The following RAD51B variants were observed in gnomAD, a reference collection of about 807,000 sequenced individuals.
RAD51B encodes DNA repair protein RAD51 homolog 2.
A neutral mutation model predicts 42.2 loss-of-function variants in RAD51B; 38 were observed. The observed-to-expected ratio is 0.90, with a 90% confidence interval of 0.70 to 1.18. The LOEUF (loss-of-function observed/expected upper bound fraction) is 1.18, where lower values mean the gene tolerates loss of function less well. Ranked by LOEUF, RAD51B falls within the 50% of genes most tolerant of loss-of-function variation. The probability of loss-of-function intolerance (pLI) is 0.00; values close to 1 mark genes in which losing one functional copy is unlikely to be tolerated. For missense variants in RAD51B, 373 were observed against 400.7 expected (o/e 0.93, Z 0.59); for synonymous variants, 154 against 145.2 (o/e 1.06, Z -0.43).
chr14:68,668,330 T>G (rs1893075701), intron 11 of RAD51B, among the ~76,000 whole-genome samples: 1 of 152,212 alleles, frequency 6.6e-6, no homozygotes, highest in Non-Finnish European at 1.5e-5. Context: ...TCTGAGGACC[T>G]TCATTAGGCT....
chr14:67,972,964 C>T (rs1403317993), intron 7 of RAD51B, among the ~76,000 whole-genome samples: 3 of 152,028 alleles, frequency 2.0e-5, no homozygotes, highest in African/African-American at 7.2e-5. Context: ...TAGATCCCAA[C>T]AAGGGTAGGG....
chr14:68,036,366 C>T (rs2076122730), intron 7 of RAD51B, among the ~76,000 whole-genome samples: 1 of 152,190 alleles, frequency 6.6e-6, no homozygotes, highest in Admixed American at 6.5e-5. Context: ...TGGCCTTTCT[C>T]TAAACAGGCC....
At chr14:68,597,356 G>T (rs1388351337), downstream of RAD51B, among the ~76,000 whole-genome samples, 1 of 152,178 alleles carries the variant, frequency 6.6e-6, no homozygotes, top group Non-Finnish European at 1.5e-5. Context: ...AGGATAGAGA[G>T]TAGGGAAGGA....
intron 11 of RAD51B, among the ~76,000 whole-genome samples, chr14:68,673,684 T>C (rs2140157076): frequency 6.7e-6 from 1 of 149,666 alleles, no homozygotes. Flanking sequence ...CACATATGTA[T>C]ATGTGCACAC....
intron 7 of RAD51B, among the ~76,000 whole-genome samples, chr14:67,968,095 C>G (rs1171709637): frequency 6.6e-6 from 1 of 152,232 alleles, no homozygotes; most frequent in African/African-American, 2.4e-5. Context: ...CTTGTACTCT[C>G]TGAAACTATG....
intron 10 of RAD51B, among the ~76,000 whole-genome samples, chr14:68,558,684 T>C (rs906679727): frequency 1.3e-5 from 2 of 152,104 alleles, no homozygotes; most frequent in African/African-American, 4.8e-5. Flanking sequence ...TCTGTTCCTC[T>C]CCCCTCTTCT....
chr14:68,363,918 G>A (rs967583481), intron 8 of RAD51B, among the ~76,000 whole-genome samples: 2 of 152,184 alleles, frequency 1.3e-5, no homozygotes, highest in Non-Finnish European at 2.9e-5. Flanking sequence ...CAGTGTTAGC[G>A]TCCACAGGAG....
chr14:68,414,174 T>A (rs1046076000), intron 9 of RAD51B, among the ~76,000 whole-genome samples: 4 of 152,182 alleles, frequency 2.6e-5, no homozygotes, highest in Non-Finnish European at 4.4e-5. Flanking sequence ...CCTGGCTGAT[T>A]ATTTTCTTTA....
chr14:68,503,583 A>T (rs1177421281), intron 10 of RAD51B, among the ~76,000 whole-genome samples: 3 of 152,200 alleles, frequency 2.0e-5, no homozygotes, highest in East Asian at 3.8e-4. Context: ...CAGAGAGGTG[A>T]CGAGAGGCTC....
chr14:68,597,023 T>C (rs977106697), downstream of RAD51B, among the ~76,000 whole-genome samples: 4 of 152,216 alleles, frequency 2.6e-5, no homozygotes, highest in African/African-American at 9.7e-5. Flanking sequence ...CTTGTTGTAT[T>C]GGAAAATTCC....
intron 7 of RAD51B, among the ~76,000 whole-genome samples, chr14:68,191,348 A>G (rs371676510): frequency 1.3e-5 from 2 of 152,322 alleles, no homozygotes; most frequent in Non-Finnish European, 2.9e-5. Flanking sequence ...GTTTGAAACC[A>G]TTACATGATC....
At chr14:68,472,312 A>G (rs1386234872) in intron 10 of RAD51B, among the ~76,000 whole-genome samples, 2 of 152,226 alleles carry the variant, frequency 1.3e-5, no homozygotes, top group Non-Finnish European at 2.9e-5. Flanking sequence ...AAGGCCAAGA[A>G]TAAAGATTCT....
intron 5 of RAD51B, among the ~76,000 whole-genome samples, chr14:67,873,747 A>T (rs1416164294): frequency 1.4e-5 from 2 of 145,194 alleles, no homozygotes; most frequent in Non-Finnish European, 3.0e-5. Context: ...ACCATGGAAT[A>T]CTATGCAGCC....
Position 68,473,571 on chromosome 14 carries a change from A to G in RAD51B, c.1037-4077A>G, listed in dbSNP as rs1882280437. 2.6e-5 allele frequency among the ~76,000 whole-genome samples: 4 copies of G among 152,168 alleles called. No individual in the cohort carries two copies. In the South Asian group the frequency reaches 8.3e-4, roughly 31 times the overall value. ...TTTTTTCTGGCAATCAGCCTTGAAG[A>G]GAGATTTTACAATATTTGGAAATAT... On this transcript the variant is annotated intron_variant, in intron 10 of 10. Coordinates refer to ENST00000471583, the MANE Select transcript of RAD51B (RefSeq NM_133510.4).
At chr14:68,573,616 C>T (rs1889818110) in intron 10 of RAD51B, among the ~76,000 whole-genome samples, 1 of 152,224 alleles carries the variant, frequency 6.6e-6, no homozygotes, top group Non-Finnish European at 1.5e-5. Context: ...ATCTGTCTCT[C>T]CCACGGGGAA....
At chr14:68,086,119 C>T (rs72725190) in intron 7 of RAD51B, among the ~76,000 whole-genome samples, 35,506 of 152,040 alleles carry the variant, frequency 0.23, 4,955 homozygotes, top group African/African-American at 0.39. Flanking sequence ...GGAGAATGAG[C>T]GCAAGGTTTT....
At position 68,195,931 on chromosome 14, in the gene RAD51B, A is replaced by G. The variant is rs564203020; in HGVS notation, c.757-95953A>G. ...TTCAAAAAAAAAAAAAAAAACAACA[A>G]TTAGGGGCCAGGTGCAATGGCTCAT... On this transcript the variant is annotated intron_variant, in intron 7 of 10. Coordinates refer to ENST00000471583, the MANE Select transcript of RAD51B (RefSeq NM_133510.4). 5.7e-4 allele frequency among the ~76,000 whole-genome samples: 81 copies of G among 142,224 alleles called. 7 individuals are homozygous for G. In the South Asian group the frequency reaches 0.016, roughly 28 times the overall value. 93.3% of individuals were successfully genotyped at this position (142,224 alleles called of 152,430 possible). A position where few individuals can be genotyped will look rare whatever the true frequency, so the allele number is the denominator to read the frequency against.
chr14:68,238,587 G>C (rs959848411), intron 7 of RAD51B, among the ~76,000 whole-genome samples: 1 of 152,212 alleles, frequency 6.6e-6, no homozygotes, highest in Non-Finnish European at 1.5e-5. Flanking sequence ...TTACAGGCAT[G>C]AGCCACTGTG....
intron 7 of RAD51B, among the ~76,000 whole-genome samples, chr14:68,126,141 G>A (rs2077754469): frequency 6.6e-6 from 1 of 152,090 alleles, no homozygotes; most frequent in African/African-American, 2.4e-5. Flanking sequence ...ATACATCTTT[G>A]TTTTATAGCT....
Sources: allele counts gnomAD v4.1 joint callset (sites outside exome capture counted in the v4.1 genomes callset), GRCh38; gene constraint gnomAD v4.1.1; transcripts MANE v1.5; gene names NCBI Gene and HGNC (gene_info 2026-07-23, HGNC 2026-07-21).